LSAMP: variants seen among roughly 807,000 people sequenced by gnomAD.
The protein encoded by LSAMP is limbic system-associated membrane protein.
LSAMP carries 7 observed loss-of-function variants against 38.6 expected under a neutral mutation model. The ratio of observed to expected loss-of-function variants is 0.18; its 90% CI spans 0.10 to 0.34. The LOEUF is 0.34. LSAMP is among the 10% of genes least tolerant of loss of function. LSAMP has a pLI of 1.00. For missense variants in LSAMP, 313 were observed against 420.0 expected (o/e 0.75, Z 2.23); for synonymous variants, 154 against 166.8 (o/e 0.92, Z 0.59).
At chr3:116,409,919 C>T (rs1397799596) in intron 1 of LSAMP, among the ~76,000 whole-genome samples, 1 of 152,092 alleles carries the variant, frequency 6.6e-6, no homozygotes, top group Non-Finnish European at 1.5e-5. Flanking sequence ...AGCTCTCCCA[C>T]TACGTGTCTG....
chr3:116,325,836 C>G (rs1302057994), intron 1 of LSAMP, among the ~76,000 whole-genome samples: 2 of 152,122 alleles, frequency 1.3e-5, no homozygotes, highest in African/African-American at 4.8e-5. Flanking sequence ...AACAGCATCT[C>G]TATTTTGATG....
intron 1 of LSAMP, among the ~76,000 whole-genome samples, chr3:116,277,811 A>G (rs1013705978): frequency 3.9e-5 from 6 of 152,218 alleles, no homozygotes; most frequent in Non-Finnish European, 8.8e-5. Context: ...TCGATTATTT[A>G]GAGAACCATG....
At chr3:116,210,403 C>A (rs78048749) in intron 1 of LSAMP, among the ~76,000 whole-genome samples, 3 of 152,182 alleles carry the variant, frequency 2.0e-5, no homozygotes, top group Non-Finnish European at 4.4e-5. Context: ...AGGCTTGCTG[C>A]GTCTTCCGGC....
intron 3 of LSAMP, among the ~76,000 whole-genome samples, chr3:115,943,108 A>G (rs2107562864): frequency 6.6e-6 from 1 of 152,306 alleles, no homozygotes; most frequent in South Asian, 2.1e-4. Context: ...AGGGGGGCAC[A>G]TTTCAGTAAC....
chr3:116,132,010 T>G (rs1709145585), intron 1 of LSAMP, among the ~76,000 whole-genome samples: 1 of 151,876 alleles, frequency 6.6e-6, no homozygotes, highest in African/African-American at 2.4e-5. Context: ...GTATTTTTAG[T>G]AGAGACGGGG....
chr3:116,328,379 A>T (rs1043604732), intron 1 of LSAMP, among the ~76,000 whole-genome samples: 1 of 152,154 alleles, frequency 6.6e-6, no homozygotes, highest in African/African-American at 2.4e-5. Context: ...TGAGAAGGAG[A>T]TTTGTAGAAA....
intron 1 of LSAMP, among the ~76,000 whole-genome samples, chr3:116,435,723 C>T (rs1299891076): frequency 1.3e-5 from 2 of 152,120 alleles, no homozygotes; most frequent in African/African-American, 4.8e-5. Context: ...AAAAGTTCTG[C>T]CTTCCTCAAA....
At chr3:115,810,511 C>T in intron 6 of LSAMP, 97 bp from the exon 7 acceptor site, 4 of 828,832 alleles carry the variant, frequency 4.8e-6, no homozygotes. Context: ...TAAGACCTGG[C>T]CAGGTACTAG....
At chr3:116,023,604 CAA>C (rs71141849) in intron 2 of LSAMP, among the ~76,000 whole-genome samples, 14,342 of 77,838 alleles carry the variant, frequency 0.18, 539 homozygotes, top group Non-Finnish European at 0.21. Context: ...GACTCCGTCT[CAA>C]AAAAAAAAAA....
intron 6 of LSAMP, among the ~76,000 whole-genome samples, chr3:115,830,823 A>G (rs1451183780): frequency 6.6e-6 from 1 of 152,248 alleles, no homozygotes; most frequent in East Asian, 1.9e-4. Context: ...ATTTGATTTC[A>G]AGAATGTATT....
chr3:115,854,279 A>ATTTTT (rs1182024413), intron 3 of LSAMP, among the ~76,000 whole-genome samples: 2 of 116,388 alleles, frequency 1.7e-5, no homozygotes, highest in African/African-American at 6.8e-5. Context: ...TATTATTATT[A>ATTTTT]TTATTTTTTT....
intron 3 of LSAMP, among the ~76,000 whole-genome samples, chr3:116,007,663 AAC>A (rs71616337): frequency 1.9e-4 from 28 of 150,670 alleles, no homozygotes; most frequent in African/African-American, 4.4e-4. Flanking sequence ...TATTTTTATA[AAC>A]ACACACACAC....
At chr3:116,283,104 C>T (rs772509400) in intron 1 of LSAMP, among the ~76,000 whole-genome samples, 22 of 151,782 alleles carry the variant, frequency 1.4e-4, no homozygotes, top group South Asian at 8.3e-4. Context: ...TAAGGTAAAA[C>T]GTTTCCAGTT....
At chr3:116,072,108 T>A (rs1201826735) in intron 2 of LSAMP, among the ~76,000 whole-genome samples, 1 of 151,706 alleles carries the variant, frequency 6.6e-6, no homozygotes, top group East Asian at 2.0e-4. Flanking sequence ...CCTGAGTAGC[T>A]GGGACTACAG....
chr3:116,290,871 G>A (rs2047258277), intron 1 of LSAMP, among the ~76,000 whole-genome samples: 1 of 151,792 alleles, frequency 6.6e-6, no homozygotes, highest in South Asian at 2.1e-4. Flanking sequence ...AATTAATAAT[G>A]GTTAAGACAA....
At chr3:116,029,948 T>C (rs1940881405) in intron 2 of LSAMP, among the ~76,000 whole-genome samples, 2 of 152,056 alleles carry the variant, frequency 1.3e-5, no homozygotes, top group Admixed American at 1.3e-4. Flanking sequence ...TAGAGACTCA[T>C]CCAGACAGTT....
intron 1 of LSAMP, among the ~76,000 whole-genome samples, chr3:116,118,458 A>G (rs1049523375): frequency 6.6e-6 from 1 of 152,180 alleles, no homozygotes; most frequent in Non-Finnish European, 1.5e-5. Flanking sequence ...CATCTGCCCT[A>G]CAGCTTCCAA....
intron 1 of LSAMP, among the ~76,000 whole-genome samples, chr3:116,264,129 C>T (rs2046865793): frequency 6.6e-6 from 1 of 152,130 alleles, no homozygotes; most frequent in Admixed American, 6.5e-5. Context: ...TCTAGTAGGT[C>T]AGCAGAATCT....
chr3:115,869,922 G>C (rs1318913085), intron 3 of LSAMP, among the ~76,000 whole-genome samples: 1 of 151,996 alleles, frequency 6.6e-6, no homozygotes, highest in African/African-American at 2.4e-5. Flanking sequence ...TGGGAACCAG[G>C]AGCATTATAG....
Sources: allele counts gnomAD v4.1 joint callset (sites outside exome capture counted in the v4.1 genomes callset), GRCh38; gene constraint gnomAD v4.1.1; transcripts MANE v1.5; gene names NCBI Gene and HGNC (gene_info 2026-07-23, HGNC 2026-07-21).